SAMD4A: variants seen among roughly 807,000 people sequenced by gnomAD.
The protein encoded by SAMD4A is protein Smaug homolog 1.
A neutral mutation model predicts 81.3 loss-of-function variants in SAMD4A; 33 were observed. The ratio of observed to expected loss-of-function variants is 0.41; its 90% CI spans 0.31 to 0.54. SAMD4A has a LOEUF of 0.54. SAMD4A is among the 20% of genes least tolerant of loss of function. The pLI is 0.37. For synonymous variants in SAMD4A, 389 were observed against 382.1 expected (o/e 1.02, Z -0.21); for missense variants, 854 against 951.1 (o/e 0.90, Z 1.34).
chr14:54,728,647 A>G (rs1172635704), intron 3 of SAMD4A, among the ~76,000 whole-genome samples: 1 of 152,152 alleles, frequency 6.6e-6, no homozygotes, highest in East Asian at 1.9e-4. Context: ...TGCCCTCCTC[A>G]CTGCCATGCT....
chr14:54,644,893 C>T lies in SAMD4A; in HGVS notation c.197-57169C>T, dbSNP rs548011497. ...AAATCTCTTAATCTCTCTGGGCCTC[C>T]GTTTCTTCATTTGCAATGTGGCTAA... On this transcript the variant is annotated intron_variant, in intron 2 of 12. Coordinates refer to ENST00000554335, the MANE Select transcript of SAMD4A (RefSeq NM_015589.6). Among the ~76,000 whole-genome samples the T allele has an allele frequency of 8.3e-4, 127 of 152,134 alleles. 1 individual carries two copies. The highest frequency in any genetic ancestry group is 2.9e-3 in the African/African-American group (120 of 41,516).
chr14:54,701,988 A>C, intron 2 of SAMD4A, 74 bp from the exon 3 acceptor site: 2 of 1,482,858 alleles, frequency 1.3e-6, no homozygotes, highest in South Asian at 2.5e-5. Context: ...ATCCATAAAA[A>C]TTCTCTTTAG....
intron 2 of SAMD4A, among the ~76,000 whole-genome samples, chr14:54,684,620 C>A (rs1160098161): frequency 7.4e-6 from 1 of 134,964 alleles, no homozygotes; most frequent in East Asian, 2.6e-4. Context: ...CCGCCCCCCC[C>A]CCCAACCAGA....
Position 54,760,420 on chromosome 14 carries a change from G to T in SAMD4A, c.1436G>T (p.Cys479Phe). 6.9e-7 allele frequency: 1 copy of T among 1,447,094 alleles called. No individual in the cohort carries two copies. 89.6% of individuals were successfully genotyped at this position (1,447,094 alleles called of 1,614,324 possible). A position where few individuals can be genotyped will look rare whatever the true frequency, so the allele number is the denominator to read the frequency against. Reference protein sequence around the residue: ...GGLQPHQLSSCDGELAVAPLP... With the variant: ...GGLQPHQLSSFDGELAVAPLP... ...CTCCAGCCGCACCAGCTGAGCAGCT[G>T]CGATGGGGAGCTGGCCGTCGCCCCC... Residue 479 changes from cysteine to phenylalanine, a missense_variant, in exon 7 of 13, where the codon TGC becomes TTC. Physicochemically the swap from Cys to Phe is radical, Grantham distance 205. Coordinates refer to ENST00000554335, the MANE Select transcript of SAMD4A (RefSeq NM_015589.6).
In SAMD4A at chr14:54,672,452, A is replaced by T. The variant is rs144690621; in HGVS notation, c.197-29610A>T. Among the ~76,000 whole-genome samples the T allele has an allele frequency of 2.2e-4, 33 of 152,218 alleles. No homozygotes were observed. The East Asian group carries it at 6.0e-3, about 28-fold the overall frequency. The stretch of plus-strand genomic sequence containing the variant: ...TCACTCTCTGCCTCCTCTTCTACCT[A>T]TCTATAGCTGGAATTCCGTAAGACT... On this transcript the variant is annotated intron_variant, in intron 2 of 12. Transcript: ENST00000554335.
chr14:54,664,810 AAC>A (rs140875623), intron 2 of SAMD4A, among the ~76,000 whole-genome samples: 5,846 of 141,420 alleles, frequency 0.041, 166 homozygotes, highest in African/African-American at 0.076. Context: ...ATGTGAATCC[AAC>A]ACACACACAC....
At chr14:54,748,741 T>C (rs1285331456) in intron 4 of SAMD4A, 74 bp from the exon 5 acceptor site, 4 of 1,020,782 alleles carry the variant, frequency 3.9e-6, no homozygotes, top group Non-Finnish European at 6.0e-6. Flanking sequence ...CCTTTCTCTG[T>C]TCCTACATCT....
chr14:54,591,373 G>T (rs948845200), intron 2 of SAMD4A, among the ~76,000 whole-genome samples: 1 of 152,164 alleles, frequency 6.6e-6, no homozygotes, highest in Non-Finnish European at 1.5e-5. Flanking sequence ...ATCAGGCAAT[G>T]TACAGGGCAA....
At chr14:54,652,639 C>T (rs1404996736) in intron 2 of SAMD4A, 4 of 151,964 alleles carry the variant, frequency 2.6e-5, no homozygotes, top group African/African-American at 9.7e-5. Flanking sequence ...ATAGCCTCAC[C>T]CAGAATCTTT....
At position 54,760,487 on chromosome 14, in the gene SAMD4A, G is replaced by A. The variant is rs755641098; in HGVS notation, c.1503G>A (p.Met501Ile). ...TCCCCGGGCAGTTCACACGCGTCAT[G>A]GGGAAAGGTAGAGCCTCATTCGCCC... ...GDLPGQFTRV[M>I]GKVCTQLLVS... The change falls in exon 7 of 13, where the codon ATG (methionine) becomes ATA (isoleucine). Residue 501 changes from methionine (M) to isoleucine (I), a missense_variant. Around this residue, in one of 3 missense-constraint regions of SAMD4A, gnomAD observed 428 missense variants for 471.2 expected, o/e 0.91. Transcript: ENST00000554335. 2 of 1,398,028 alleles carry A rather than the reference G, an allele frequency of 1.4e-6. No individual in the cohort carries two copies. The highest frequency in any genetic ancestry group is 3.5e-5 in the Admixed American group (1 of 28,624). The allele number at this position is 1,398,028 out of a possible 1,614,324, so 86.6% of individuals were successfully genotyped here.
chr14:54,726,249 C>T (rs574466042), intron 3 of SAMD4A, among the ~76,000 whole-genome samples: 87 of 152,158 alleles, frequency 5.7e-4, no homozygotes, highest in African/African-American at 2.0e-3. Flanking sequence ...TGAAAATGAC[C>T]ACAACAAGAG....
At chr14:54,624,304 C>T (rs923150663) in intron 2 of SAMD4A, among the ~76,000 whole-genome samples, 7 of 152,210 alleles carry the variant, frequency 4.6e-5, no homozygotes, top group Admixed American at 3.9e-4. Flanking sequence ...ATGCCCTCTC[C>T]GGTCACGTGA....
At chr14:54,677,182 C>T (rs1177043465) in intron 2 of SAMD4A, among the ~76,000 whole-genome samples, 1 of 152,194 alleles carries the variant, frequency 6.6e-6, no homozygotes, top group Non-Finnish European at 1.5e-5. Flanking sequence ...GTTAAGGGGG[C>T]TGTGGGACTG....
At chr14:54,598,210 G>A (rs374251733) in intron 2 of SAMD4A, among the ~76,000 whole-genome samples, 6 of 152,276 alleles carry the variant, frequency 3.9e-5, no homozygotes, top group South Asian at 2.1e-4. Context: ...CACAGTCAGC[G>A]TTCAAACTTA....
At chr14:54,673,817 G>C (rs1450818581) in intron 2 of SAMD4A, among the ~76,000 whole-genome samples, 1 of 152,204 alleles carries the variant, frequency 6.6e-6, no homozygotes, top group Non-Finnish European at 1.5e-5. Flanking sequence ...TCAAATTTCG[G>C]TCTTCTGTCT....
At chr14:54,782,747 C>A (rs1443113818) in intron 11 of SAMD4A, among the ~76,000 whole-genome samples, 1 of 152,260 alleles carries the variant, frequency 6.6e-6, no homozygotes, top group Non-Finnish European at 1.5e-5. Context: ...TCTGAATTAG[C>A]TGACAATGGG....
chr14:54,775,482 G>C (rs1460706064), intron 10 of SAMD4A, among the ~76,000 whole-genome samples: 2 of 152,180 alleles, frequency 1.3e-5, no homozygotes, highest in Non-Finnish European at 2.9e-5. Context: ...GAAGTTTCTT[G>C]CCCTTTTTAT....
chr14:54,676,256 T>C (rs2035991466), intron 2 of SAMD4A, among the ~76,000 whole-genome samples: 1 of 152,222 alleles, frequency 6.6e-6, no homozygotes, highest in Non-Finnish European at 1.5e-5. Context: ...GATATCTCCA[T>C]TTTTCATGGT....
Position 54,773,010 on chromosome 14 carries a change from A to G in SAMD4A, c.1716-1924A>G, listed in dbSNP as rs147232412. Among the ~76,000 whole-genome samples, 517 of 152,324 alleles carry G rather than the reference A, an allele frequency of 3.4e-3. 3 individuals carry two copies. The highest frequency in any genetic ancestry group is 0.012 in the African/African-American group (491 of 41,568). On this transcript the variant is annotated intron_variant, in intron 9 of 12. Coordinates refer to ENST00000554335, the MANE Select transcript of SAMD4A (RefSeq NM_015589.6). ...ATTTTTAAAAGGGAAAATGGGAGAA[A>G]AAAGGAAGAAAGGCCAAGACAAAGA...
Sources: allele counts gnomAD v4.1 joint callset (sites outside exome capture counted in the v4.1 genomes callset), GRCh38; gene constraint gnomAD v4.1.1; regional missense constraint gnomAD v4.1.1; transcripts MANE v1.5; gene names NCBI Gene and HGNC (gene_info 2026-07-23, HGNC 2026-07-21).